Variants in CTBP2 observed in about 807,000 individuals in gnomAD.
The protein encoded by CTBP2 is C-terminal-binding protein 2.
In CTBP2, 30 loss-of-function variants were observed where a neutral mutation model predicts 80.3. The observed-to-expected ratio is 0.37, with a 90% confidence interval of 0.28 to 0.51. The LOEUF (loss-of-function observed/expected upper bound fraction) is 0.51, where lower values mean the gene tolerates loss of function less well. Among genes scored for constraint, CTBP2 ranks in the 20% least tolerant of loss-of-function variants. The probability of loss-of-function intolerance (pLI) is 0.93; values close to 1 mark genes in which losing one functional copy is unlikely to be tolerated. For missense variants in CTBP2, 1,212 were observed against 1,375.3 expected, an observed-to-expected ratio of 0.88 and a Z score of 1.88; for synonymous variants, 594 against 587.4, an observed-to-expected ratio of 1.01 and a Z score of -0.16.
At chr10:125,030,066 T>G (rs969906502), upstream of CTBP2, among the ~76,000 whole-genome samples, 1 of 151,998 alleles carries the variant, frequency 6.6e-6, no homozygotes, top group Non-Finnish European at 1.5e-5. Flanking sequence ...TTGACAAATA[T>G]TATGACAGAT....
intron 2 of CTBP2, among the ~76,000 whole-genome samples, chr10:125,043,431 T>C (rs936744128): frequency 7.2e-5 from 11 of 152,166 alleles, no homozygotes; most frequent in African/African-American, 2.7e-4. Flanking sequence ...ATTTCTTTTC[T>C]TTTTCTATTT....
At chr10:125,021,725 G>C (rs943889392) in intron 1 of CTBP2, among the ~76,000 whole-genome samples, 3 of 152,198 alleles carry the variant, frequency 2.0e-5, no homozygotes, top group African/African-American at 7.2e-5. Flanking sequence ...GCCAGTAGCA[G>C]GTGACTTGCC....
At chr10:125,104,448 G>A (rs1045558418) in intron 2 of CTBP2, among the ~76,000 whole-genome samples, 3 of 152,106 alleles carry the variant, frequency 2.0e-5, no homozygotes, top group African/African-American at 7.2e-5. Context: ...ACAGTATACT[G>A]CTGAGAAATT....
At chr10:125,086,029 A>C (rs1434569307) in intron 2 of CTBP2, among the ~76,000 whole-genome samples, 1 of 152,040 alleles carries the variant, frequency 6.6e-6, no homozygotes, top group Non-Finnish European at 1.5e-5. Context: ...CGCCAATCTC[A>C]GCCTCCCCAC....
At chr10:125,075,665 T>C (rs1228575676) in intron 2 of CTBP2, among the ~76,000 whole-genome samples, 1 of 152,188 alleles carries the variant, frequency 6.6e-6, no homozygotes, top group Non-Finnish European at 1.5e-5. Flanking sequence ...TGACAGGAAC[T>C]TAAGAGAATA....
intron 2 of CTBP2, among the ~76,000 whole-genome samples, chr10:125,107,558 T>C (rs1463223743): frequency 6.6e-6 from 1 of 152,242 alleles, no homozygotes; most frequent in Admixed American, 6.5e-5. Context: ...AAAAGATATC[T>C]GTCCTGCCAG....
At chr10:124,995,959 A>T (rs1453979084) in intron 4 of CTBP2, 1 of 149,268 alleles carries the variant, frequency 6.7e-6, no homozygotes, top group Non-Finnish European at 1.5e-5. Context: ...TGGGGCTCAC[A>T]CTCTGCAGAT....
chr10:125,125,488 C>A (rs1404026698), intron 1 of CTBP2, among the ~76,000 whole-genome samples: 2 of 152,166 alleles, frequency 1.3e-5, no homozygotes, highest in African/African-American at 4.8e-5. Flanking sequence ...TAAGGAGGTA[C>A]TAAGCATCAT....
At chr10:125,070,806 C>T (rs544614229) in intron 2 of CTBP2, among the ~76,000 whole-genome samples, 148 of 150,924 alleles carry the variant, frequency 9.8e-4, no homozygotes, top group African/African-American at 3.5e-3. Flanking sequence ...GCTGGGATTA[C>T]AGGCATCTGC....
At chr10:125,083,322 T>G (rs1336033432) in intron 2 of CTBP2, among the ~76,000 whole-genome samples, 1 of 151,880 alleles carries the variant, frequency 6.6e-6, no homozygotes, top group Admixed American at 6.6e-5. Context: ...TAAAAAAGAG[T>G]CTCCCTGTCG....
chr10:125,118,445 G>A (rs1176872651), intron 1 of CTBP2, among the ~76,000 whole-genome samples: 1 of 152,198 alleles, frequency 6.6e-6, no homozygotes, highest in Non-Finnish European at 1.5e-5. Context: ...GGGCTGCCAT[G>A]GGCCAAGTTT....
At chr10:125,139,352 G>A (rs949037139) in intron 1 of CTBP2, among the ~76,000 whole-genome samples, 1 of 139,388 alleles carries the variant, frequency 7.2e-6, no homozygotes, top group Non-Finnish European at 1.5e-5. Context: ...TGTACAGCCT[G>A]GGTGACAGAG....
At chr10:125,003,514 G>A in intron 1 of CTBP2, 22 bp from the exon 4 acceptor site, 2 of 1,530,258 alleles carry the variant, frequency 1.3e-6, no homozygotes, top group South Asian at 1.3e-5. Flanking sequence ...GAAGGGGTGA[G>A]CACAGTGGGT....
chr10:125,088,622 T>G (rs1457559796), intron 2 of CTBP2, among the ~76,000 whole-genome samples: 1 of 152,220 alleles, frequency 6.6e-6, no homozygotes, highest in Non-Finnish European at 1.5e-5. Context: ...CCTTCTGAAC[T>G]GCAGGGAATG....
intron 1 of CTBP2, among the ~76,000 whole-genome samples, chr10:125,149,991 C>T (rs1859536824): frequency 6.6e-6 from 1 of 152,354 alleles, no homozygotes; most frequent in South Asian, 2.1e-4. Flanking sequence ...AGGAAGTTCA[C>T]CCGGCAAAAC....
In CTBP2 at chr10:125,027,354, C is replaced by T. The variant is rs780541850; in HGVS notation, c.406G>A (p.Val136Ile). The change falls in exon 1 of 9, where the codon GTC becomes ATC. Residue 136 changes from valine (V) to isoleucine (I), a missense_variant. Val to Ile is a conservative substitution (Grantham distance 29). This residue lies in a region of CTBP2 where 848 missense variants were observed against 782.3 expected (regional missense o/e 1.08). Transcript: ENST00000309035. ...CTGCCAAGCACTCCGTAGCTGGGGACCGGCCGGCTGACTCCTGGGTCCCGA... is the reference window on the plus strand; with the variant it reads ...CTGCCAAGCACTCCGTAGCTGGGGATCGGCCGGCTGACTCCTGGGTCCCGA... The T allele has an allele frequency of 2.5e-6, 4 of 1,613,560 alleles. No individual in the cohort carries two copies. Among genetic ancestry groups the T allele is most frequent in the Admixed American group, 3.3e-5 (2 of 60,024 alleles).
At chr10:125,103,198 C>A (rs1850907952) in intron 2 of CTBP2, among the ~76,000 whole-genome samples, 1 of 152,326 alleles carries the variant, frequency 6.6e-6, no homozygotes, top group Middle Eastern at 3.4e-3. Context: ...ACCAACCCAG[C>A]CTTCCAGACA....
At position 125,028,061 on chromosome 10, in the gene CTBP2, C is replaced by T. The variant is rs769152551; in HGVS notation, c.-302G>A. The T allele has an allele frequency of 6.2e-5, 28 of 451,312 alleles. No homozygotes were observed. The highest frequency in any genetic ancestry group is 8.9e-5 in the Admixed American group (2 of 22,442). The allele number at this position is 451,312 out of a possible 1,614,324, so 28.0% of individuals were successfully genotyped here. A position where few individuals can be genotyped will look rare whatever the true frequency, so the allele number is the denominator to read the frequency against. ...CAGCCTGCCAGGTCCCCCTTCCTGG[C>T]TGGTGTGCTCACATGGACCAGGGCT... On this transcript the variant is annotated 5_prime_UTR_variant, in exon 1 of 9. Transcript: ENST00000309035.
intron 3 of CTBP2, chr10:125,001,024 C>T (rs1436122484): frequency 5.9e-5 from 9 of 152,280 alleles, no homozygotes; most frequent in African/African-American, 9.6e-5. Context: ...TTTCCAAAAC[C>T]GCAGTCCCTG....
Sources: gnomAD v4.1 joint callset for allele counts (sites outside exome capture counted in the v4.1 genomes callset) on GRCh38, gnomAD v4.1.1 for gene constraint, gnomAD v4.1.1 regional missense constraint, MANE v1.5 for transcripts, NCBI Gene and HGNC (gene_info 2026-07-23, HGNC 2026-07-21) for gene names.